LRRTM4: variants seen among roughly 807,000 people sequenced by gnomAD.
LRRTM4 encodes leucine rich repeat transmembrane neuronal 4.
LRRTM4 carries 25 observed loss-of-function variants against 47.6 expected under a neutral mutation model. The ratio of observed to expected loss-of-function variants is 0.53; its 90% CI spans 0.38 to 0.73. The LOEUF is 0.73. LRRTM4 is among the 30% of genes least tolerant of loss of function. The probability of loss-of-function intolerance (pLI) is 0.00; values close to 1 mark genes in which losing one functional copy is unlikely to be tolerated. For missense variants in LRRTM4, 638 were observed against 713.4 expected (o/e 0.89, Z 1.20); for synonymous variants, 311 against 269.5 (o/e 1.15, Z -1.51).
chr2:76,967,389 A>G (rs555811931), intron 3 of LRRTM4, among the ~76,000 whole-genome samples: 4 of 151,696 alleles, frequency 2.6e-5, no homozygotes, highest in African/African-American at 9.6e-5. Flanking sequence ...TCTATCGTGC[A>G]TAACATTGGA....
At chr2:77,370,597 G>A (rs1003378724) in intron 3 of LRRTM4, among the ~76,000 whole-genome samples, 9 of 151,656 alleles carry the variant, frequency 5.9e-5, no homozygotes, top group African/African-American at 2.2e-4. Flanking sequence ...AAATATGTCT[G>A]TGGATGACTA....
At chr2:76,845,833 A>G (rs1372192769) in intron 3 of LRRTM4, among the ~76,000 whole-genome samples, 1 of 152,118 alleles carries the variant, frequency 6.6e-6, no homozygotes, top group African/African-American at 2.4e-5. Flanking sequence ...CTCTGGTTCA[A>G]TGCCCTAGGG....
intron 3 of LRRTM4, among the ~76,000 whole-genome samples, chr2:76,797,041 G>A (rs867306537): frequency 3.9e-5 from 6 of 152,116 alleles, no homozygotes; most frequent in Non-Finnish European, 8.8e-5. Context: ...AAAACACTCT[G>A]CAGGATATTA....
At chr2:77,051,302 G>T (rs1679424257) in intron 3 of LRRTM4, among the ~76,000 whole-genome samples, 1 of 152,070 alleles carries the variant, frequency 6.6e-6, no homozygotes, top group Non-Finnish European at 1.5e-5. Flanking sequence ...AGAAACTAAA[G>T]AATTACTGTT....
chr2:76,869,733 CAG>C (rs1672570091), intron 3 of LRRTM4, among the ~76,000 whole-genome samples: 3 of 151,956 alleles, frequency 2.0e-5, no homozygotes, highest in Non-Finnish European at 2.9e-5. Context: ...AAATAGGATT[CAG>C]AGTTTGTATT....
chr2:77,292,158 C>T (rs1236180847), intron 3 of LRRTM4, among the ~76,000 whole-genome samples: 3 of 151,168 alleles, frequency 2.0e-5, no homozygotes, highest in South Asian at 4.2e-4. Flanking sequence ...TACCATCTCA[C>T]ACCAGTTAGA....
chr2:76,968,256 T>C lies in LRRTM4; in HGVS notation c.1552-219340A>G, dbSNP rs192499151. On this transcript the variant is annotated intron_variant, in intron 3 of 3. Coordinates refer to ENST00000409884, the MANE Select transcript of LRRTM4 (RefSeq NM_001134745.3). ...TTAAAACAACATTGGAAATTCTTTT[T>C]AAAAAAAACAAATCTGGCAATGAGT... is the stretch of plus-strand genomic sequence containing the variant. Among the ~76,000 whole-genome samples, 55 of 146,588 alleles carry C rather than the reference T, an allele frequency of 3.8e-4. No individual in the cohort carries two copies. In the East Asian group the frequency reaches 0.01, roughly 28 times the overall value.
chr2:76,804,501 C>T (rs1573137832), intron 3 of LRRTM4, among the ~76,000 whole-genome samples: 1 of 151,806 alleles, frequency 6.6e-6, no homozygotes, highest in Non-Finnish European at 1.5e-5. Flanking sequence ...CATATTCTGT[C>T]CTGATTTTTG....
chr2:77,046,841 G>A (rs10181770), intron 3 of LRRTM4, among the ~76,000 whole-genome samples: 2 of 151,962 alleles, frequency 1.3e-5, no homozygotes, highest in African/African-American at 4.8e-5. Context: ...TGAAGAGTTT[G>A]AAGTATTCAC....
chr2:77,345,857 G>C (rs1274787236), intron 3 of LRRTM4, among the ~76,000 whole-genome samples: 13 of 151,238 alleles, frequency 8.6e-5, no homozygotes, highest in Non-Finnish European at 1.5e-5. Context: ...TATATACACA[G>C]ACACACACAT....
At chr2:76,922,085 A>C (rs554643379) in intron 3 of LRRTM4, among the ~76,000 whole-genome samples, 2 of 152,286 alleles carry the variant, frequency 1.3e-5, no homozygotes, top group South Asian at 4.1e-4. Context: ...AAATCTTGCT[A>C]TCTGCAACAA....
intron 3 of LRRTM4, among the ~76,000 whole-genome samples, chr2:77,024,156 G>T (rs899484199): frequency 6.6e-6 from 1 of 152,140 alleles, no homozygotes; most frequent in Non-Finnish European, 1.5e-5. Context: ...AACCACTCCT[G>T]TGATTCAAAT....
rs1382799878 is a variant in LRRTM4 at position 77,518,907 on chromosome 2, G to A, written c.962C>T (p.Pro321Leu). 1 of 1,607,010 alleles carries A rather than the reference G, an allele frequency of 6.2e-7. No individual in the cohort carries two copies. The highest frequency in any genetic ancestry group is 1.7e-5 in the Admixed American group (1 of 59,004). ...GAAATTCTTAAGCCAATAAAATAAA[G>A]GACAAATGCTCCGACTGCATTCCCA... is the stretch of plus-strand genomic sequence containing the variant. ...NMWECSRSIC[P>L]LFYWLKNFKG... The change falls in exon 3 of 4, where the codon CCT becomes CTT. Residue 321 changes from proline (P) to leucine (L), a missense_variant. Pro to Leu is a moderately conservative substitution (Grantham distance 98, BLOSUM62 -3). Transcript: ENST00000409884.
intron 3 of LRRTM4, among the ~76,000 whole-genome samples, chr2:77,156,260 C>A (rs1359109216): frequency 1.4e-5 from 2 of 147,476 alleles, no homozygotes; most frequent in Non-Finnish European, 3.0e-5. Context: ...AGAATAAAAG[C>A]TATAAGAATT....
At position 76,806,397 on chromosome 2, in the gene LRRTM4, C is replaced by T. The variant is rs551382860; in HGVS notation, c.1552-57481G>A. 2.6e-5 allele frequency among the ~76,000 whole-genome samples: 4 copies of T among 152,168 alleles called. No individual in the cohort carries two copies. In the East Asian group the frequency reaches 5.8e-4, roughly 22 times the overall value. Reference sequence around the variant, plus strand: ...AGGAGTTCGAGACCAGCCTAACCAACGTGGTGAAACCCCGTCTCTACTAAA... The same window carrying T: ...AGGAGTTCGAGACCAGCCTAACCAATGTGGTGAAACCCCGTCTCTACTAAA... On this transcript the variant is annotated intron_variant, in intron 3 of 3. Transcript: ENST00000409884.
At chr2:77,279,611 A>C (rs1479427854) in intron 3 of LRRTM4, among the ~76,000 whole-genome samples, 1 of 151,960 alleles carries the variant, frequency 6.6e-6, no homozygotes, top group Admixed American at 6.6e-5. Context: ...TATTCTAATA[A>C]TATAGCTAGC....
intron 3 of LRRTM4, among the ~76,000 whole-genome samples, chr2:77,134,389 A>G (rs1284648237): frequency 1.3e-5 from 2 of 152,184 alleles, no homozygotes; most frequent in Non-Finnish European, 2.9e-5. Flanking sequence ...TCTGTCCAAC[A>G]TATTTATACA....
rs1013879831 is a variant in LRRTM4, at chr2:76,911,320, ATTTCT to A, written c.1552-162409_1552-162405del. Among the ~76,000 whole-genome samples the A allele has an allele frequency of 4.6e-5, 7 of 152,284 alleles. No individual in the cohort carries two copies. In the South Asian group the frequency reaches 8.3e-4, roughly 18 times the overall value. On this transcript the variant is annotated intron_variant, in intron 3 of 3. Coordinates refer to ENST00000409884, the MANE Select transcript of LRRTM4 (RefSeq NM_001134745.3). ...CATTGTTTTTAGGACTTTCACAATTATTTCTTTTAAGTTCACTAAGGATTTCTTAA... is the reference window on the plus strand; with the variant it reads ...CATTGTTTTTAGGACTTTCACAATTATTTAAGTTCACTAAGGATTTCTTAA...
At chr2:77,489,470 T>A (rs915335990) in intron 3 of LRRTM4, among the ~76,000 whole-genome samples, 1 of 152,242 alleles carries the variant, frequency 6.6e-6, no homozygotes, top group Non-Finnish European at 1.5e-5. Flanking sequence ...AAAAATAGTT[T>A]GTTCACAAAA....
Sources: allele counts gnomAD v4.1 joint callset (sites outside exome capture counted in the v4.1 genomes callset), GRCh38; gene constraint gnomAD v4.1.1; transcripts MANE v1.5; gene names NCBI Gene and HGNC (gene_info 2026-07-23, HGNC 2026-07-21).